MFSD12: variants seen among roughly 807,000 people sequenced by gnomAD.
MFSD12 encodes major facilitator superfamily domain-containing protein 12.
A neutral mutation model predicts 51.2 loss-of-function variants in MFSD12; 67 were observed. That is an observed-to-expected ratio of 1.31 (90% CI 1.08 to 1.60). The LOEUF is 1.60. Among genes scored for constraint, MFSD12 ranks in the 40% most tolerant of loss-of-function variants. The pLI, the probability that MFSD12 is intolerant of heterozygous loss-of-function variation, is 0.00. For missense variants in MFSD12, 921 were observed against 673.0 expected (o/e 1.37, Z -4.08); for synonymous variants, 441 against 316.7 (o/e 1.39, Z -4.17).
At chr19:3,547,732 G>A (rs1034122808) in intron 4 of MFSD12, 116 bp downstream of exon 4, 1 of 1,302,290 alleles carries the variant, frequency 7.7e-7, no homozygotes, top group Non-Finnish European at 1.0e-6. Context: ...TGCCCTGGGT[G>A]TGGGCTGCAC....
downstream of MFSD12, chr19:3,542,536 C>G (rs573541289): frequency 7.1e-4 from 628 of 886,456 alleles, 1 homozygote; most frequent in Admixed American, 1.3e-3. Flanking sequence ...TGCAAGGGCA[C>G]GATCTCAGCT....
downstream of MFSD12, among the ~76,000 whole-genome samples, chr19:3,540,835 T>C (rs143165903): frequency 0.6 from 76,834 of 128,424 alleles, 22,365 homozygotes; most frequent in East Asian, 0.82. Flanking sequence ...GCCGAGATCG[T>C]GCCACTGGAC....
intron 1 of MFSD12, among the ~76,000 whole-genome samples, chr19:3,553,108 T>G (rs1322691026): frequency 6.6e-6 from 1 of 152,038 alleles, no homozygotes; most frequent in Non-Finnish European, 1.5e-5. Context: ...AACTAGGGCC[T>G]GGGAGGGTTT....
intron 6 of MFSD12, among the ~76,000 whole-genome samples, chr19:3,547,007 T>C (rs2031116491): frequency 6.6e-6 from 1 of 152,146 alleles, no homozygotes; most frequent in Non-Finnish European, 1.5e-5. Context: ...GCTAATTTTG[T>C]TTTTGTATCT....
At chr19:3,543,886 C>G (rs1487032523), downstream of MFSD12, 5 of 1,550,658 alleles carry the variant, frequency 3.2e-6, no homozygotes, top group African/African-American at 2.7e-5. Flanking sequence ...GACTACGTGC[C>G]CTCCCTGTCG....
At chr19:3,542,887 G>C (rs772188626), downstream of MFSD12, 1 of 1,405,140 alleles carries the variant, frequency 7.1e-7, no homozygotes, top group East Asian at 4.0e-5. Context: ...GAAGGGACTT[G>C]TGGGTCTTGG....
chr19:3,539,410 C>CTGT (rs997791297), downstream of MFSD12: 7 of 601,878 alleles, frequency 1.2e-5, no homozygotes, highest in Admixed American at 1.9e-4. Context: ...CCAGCTCTTC[C>CTGT]TGTTCCCCTC....
intron 1 of MFSD12, among the ~76,000 whole-genome samples, chr19:3,555,287 T>C (rs1391692036): frequency 6.6e-6 from 1 of 152,178 alleles, no homozygotes; most frequent in Non-Finnish European, 1.5e-5. Flanking sequence ...TTTTGTACTT[T>C]AGTAGAGACG....
At chr19:3,542,496 C>T (rs1032910839), downstream of MFSD12, 26 of 978,728 alleles carry the variant, frequency 2.7e-5, no homozygotes, top group African/African-American at 1.1e-4. Flanking sequence ...GTTTTTGAGA[C>T]AGAGTCTCAC....
Position 3,546,313 on chromosome 19 carries a change from C to T in MFSD12, c.1136G>A (p.Cys379Tyr), listed in dbSNP as rs1323016625. ...YAAAVLLGAG[C>Y]ATILVTSLAM... ...CAGCGAGGTGACGAGGATGGTGGCA[C>T]AGCCAGCACCCAGCAGCACAGCCGC... The change falls in exon 7 of 10, where the codon TGT becomes TAT. Residue 379 changes from cysteine to tyrosine, a missense_variant. By Grantham distance (194) the Cys-to-Tyr change is radical (BLOSUM62 -2). Transcript: ENST00000355415. 6.2e-7 allele frequency: 1 copy of T among 1,609,368 alleles called. No individual in the cohort carries two copies. The highest frequency in any genetic ancestry group is 1.3e-5 in the African/African-American group (1 of 74,920).
chr19:3,556,303 T>C (rs139400451), intron 1 of MFSD12, among the ~76,000 whole-genome samples: 3,203 of 152,262 alleles, frequency 0.021, 46 homozygotes, highest in Non-Finnish European at 0.037. Context: ...CGCTGAGCAG[T>C]CACCACCAAC....
intron 1 of MFSD12, 54 bp downstream of exon 1, chr19:3,557,052 G>A: frequency 7.5e-7 from 1 of 1,327,070 alleles, no homozygotes; most frequent in Non-Finnish European, 9.6e-7. Flanking sequence ...GAGGCGCCCG[G>A]GTCGCGGAGT....
At position 3,554,630 on chromosome 19, in the gene MFSD12, C is replaced by T. The variant is rs76236566; in HGVS notation, c.298+2476G>A. The stretch of plus-strand genomic sequence containing the variant: ...TTCTGCTACTTGGAATGCGCCCCTC[C>T]ACACACTGCTACCCATCCGTCAAAA... On this transcript the variant is annotated intron_variant, in intron 1 of 9. Coordinates refer to ENST00000355415, the MANE Select transcript of MFSD12 (RefSeq NM_174983.5). Among the ~76,000 whole-genome samples, 486 of 152,290 alleles carry T rather than the reference C, an allele frequency of 3.2e-3. 2 individuals carry two copies. Among genetic ancestry groups the T allele is most frequent in the African/African-American group, 0.011 (476 of 41,566 alleles).
Position 3,548,261 on chromosome 19 carries a change from C to A in MFSD12, c.516G>T (p.Ala172=). ...CGGTGATGTTGGCCACCACGGTGAA[C>A]GCATACCTGGCGGGCAGGCGGGCAG... The part of the protein sequence containing the change: ...EKVELTALRY[A]FTVVANITVY... The change falls in exon 3 of 10, where the codon GCG becomes GCT. Residue 172 remains alanine (A), a synonymous_variant. Coordinates refer to ENST00000355415, the MANE Select transcript of MFSD12 (RefSeq NM_174983.5). 6.5e-7 allele frequency: 1 copy of A among 1,549,022 alleles called. No individual in the cohort carries two copies. The highest frequency in any genetic ancestry group is 8.7e-7 in the Non-Finnish European group (1 of 1,147,542).
Position 3,544,816 on chromosome 19 carries a change from C to T in MFSD12, c.1413G>A (p.Leu471=), listed in dbSNP as rs2030821082. Residue 471 remains leucine, a synonymous_variant, in exon 9 of 10, where the codon CTG becomes CTA. Coordinates refer to ENST00000355415, the MANE Select transcript of MFSD12 (RefSeq NM_174983.5). The part of the protein sequence containing the change: ...LCSLLLWPTR[L]RRWDRDARP Reference sequence around the variant, plus strand: ...GGGTGGGCCAGGACTCACAGCGTCGCAGGCGGGTCGGCCACAGCAGGAGGC... The same window carrying T: ...GGGTGGGCCAGGACTCACAGCGTCGTAGGCGGGTCGGCCACAGCAGGAGGC... 2 of 1,612,210 alleles carry T rather than the reference C, an allele frequency of 1.2e-6. No individual in the cohort carries two copies. Among genetic ancestry groups the T allele is most frequent in the Admixed American group, 1.7e-5 (1 of 59,928 alleles).
At position 3,547,890 on chromosome 19, in the gene MFSD12, C is replaced by G. The variant is rs1200576690; in HGVS notation, c.795G>C (p.Leu265=). 2 of 1,554,056 alleles carry G rather than the reference C, an allele frequency of 1.3e-6. No homozygotes were observed. The highest frequency in any genetic ancestry group is 1.7e-6 in the Non-Finnish European group (2 of 1,158,740). ...PLLAPATAQP[L]LLWKHWLREP... ...CCCGGAGCCAGTGCTTCCAGAGCAG[C>G]AGGGGCTGGGCCGTGGCAGGGGCCA... Residue 265 remains leucine, a synonymous_variant, in exon 4 of 10, where the codon CTG becomes CTC. Coordinates refer to ENST00000355415, the MANE Select transcript of MFSD12 (RefSeq NM_174983.5).
In MFSD12 at chr19:3,551,127, C is replaced by T. The variant is rs61733854; in HGVS notation, c.366G>A (p.Thr122=). The change falls in exon 2 of 10, where the codon ACG becomes ACA. Residue 122 remains threonine, a synonymous_variant. Coordinates refer to ENST00000355415, the MANE Select transcript of MFSD12 (RefSeq NM_174983.5). This position sits in a 1 kb window ranked among gnomAD's most constrained non-coding sequence, Gnocchi z 4.6. ...FSPCLGCGAA[T]PEWAALLYYG... is the part of the protein sequence containing the mutation. ...AGTAGAGGAGGGCAGCCCACTCGGGCGTGGCCGCCCCACAGCCCAGGCAGG... is the reference window on the plus strand; with the variant it reads ...AGTAGAGGAGGGCAGCCCACTCGGGTGTGGCCGCCCCACAGCCCAGGCAGG... 6.2e-3 allele frequency: 10,079 copies of T among 1,612,918 alleles called. 43 individuals carry two copies. Among genetic ancestry groups the T allele is most frequent in the Non-Finnish European group, 7.5e-3 (8,794 of 1,179,904 alleles).
chr19:3,550,862 A>G (rs2031432111), intron 2 of MFSD12, 122 bp downstream of exon 2: 2 of 800,730 alleles, frequency 2.5e-6, no homozygotes, highest in Non-Finnish European at 3.9e-6. Context: ...CAAAAAAATA[A>G]ACATGAAAGA....
chr19:3,552,046 A>G (rs911779316), intron 1 of MFSD12, among the ~76,000 whole-genome samples: 2 of 151,262 alleles, frequency 1.3e-5, no homozygotes, highest in African/African-American at 4.9e-5. Context: ...TGCTGCCTCT[A>G]CCTCACCCTT....
Sources: gnomAD v4.1 joint callset for allele counts (sites outside exome capture counted in the v4.1 genomes callset) on GRCh38, gnomAD v4.1.1 for gene constraint, Gnocchi (gnomAD v3.1) non-coding constraint, MANE v1.5 for transcripts, NCBI Gene and HGNC (gene_info 2026-07-23, HGNC 2026-07-21) for gene names.